DSCAM: variants seen among roughly 807,000 people sequenced by gnomAD.
The protein encoded by DSCAM is cell adhesion molecule DSCAM.
In DSCAM, 47 loss-of-function variants were observed where a neutral mutation model predicts 217.7. The observed-to-expected ratio is 0.22, with a 90% CI of 0.17 to 0.28. DSCAM has a LOEUF of 0.28. DSCAM is among the 10% of genes least tolerant of loss of function. The probability of loss-of-function intolerance (pLI) is 1.00; values close to 1 mark genes in which losing one functional copy is unlikely to be tolerated. For missense variants in DSCAM, 2,080 were observed against 2,618.3 expected, an observed-to-expected ratio of 0.79 and a Z score of 4.49; for synonymous variants, 1,056 against 1,015.3, an observed-to-expected ratio of 1.04 and a Z score of -0.76.
At chr21:40,775,221 G>A (rs1023783211) in intron 1 of DSCAM, among the ~76,000 whole-genome samples, 2 of 152,040 alleles carry the variant, frequency 1.3e-5, no homozygotes, top group African/African-American at 4.8e-5. Context: ...ATCATGTTAG[G>A]CAGATCTAGC....
chr21:40,703,306 A>G (rs1002297230), intron 2 of DSCAM, among the ~76,000 whole-genome samples: 1 of 152,150 alleles, frequency 6.6e-6, no homozygotes, highest in Admixed American at 6.5e-5. Flanking sequence ...TCTTGAGCCC[A>G]GGAGTTAGCG....
At chr21:40,818,020 C>T (rs568870690) in intron 1 of DSCAM, among the ~76,000 whole-genome samples, 77 of 142,402 alleles carry the variant, frequency 5.4e-4, no homozygotes, top group Non-Finnish European at 1.0e-3. Context: ...GGCGTGAACC[C>T]GGGAGGCGGA....
At chr21:40,727,473 G>GCAT (rs955082991) in intron 1 of DSCAM, among the ~76,000 whole-genome samples, 2 of 152,160 alleles carry the variant, frequency 1.3e-5, no homozygotes, top group African/African-American at 4.8e-5. Flanking sequence ...GAAGTAAAAA[G>GCAT]CATCATTCTT....
At chr21:40,579,341 T>A (rs1382347981) in intron 3 of DSCAM, among the ~76,000 whole-genome samples, 1 of 151,992 alleles carries the variant, frequency 6.6e-6, no homozygotes, top group South Asian at 2.1e-4. Flanking sequence ...GAAAAAAAGC[T>A]GATTTGATGA....
chr21:40,140,215 A>AGG (rs1394933897), intron 18 of DSCAM, among the ~76,000 whole-genome samples: 2 of 152,104 alleles, frequency 1.3e-5, no homozygotes, highest in East Asian at 3.9e-4. Flanking sequence ...ATGTTTCTGA[A>AGG]GGTTTCTTGC....
intron 20 of DSCAM, among the ~76,000 whole-genome samples, chr21:40,096,506 A>C (rs2089679342): frequency 6.6e-6 from 1 of 152,180 alleles, no homozygotes; most frequent in African/African-American, 2.4e-5. Flanking sequence ...AAAAGAGAAT[A>C]AAAAAGTTAA....
intron 11 of DSCAM, among the ~76,000 whole-genome samples, chr21:40,268,827 T>C (rs951315146): frequency 5.3e-5 from 8 of 152,042 alleles, no homozygotes; most frequent in African/African-American, 1.9e-4. Flanking sequence ...GATGGGCATC[T>C]ATAATAATCC....
intron 3 of DSCAM, among the ~76,000 whole-genome samples, chr21:40,512,791 A>G (rs1294810816): frequency 6.6e-6 from 1 of 151,838 alleles, no homozygotes; most frequent in Non-Finnish European, 1.5e-5. Context: ...CATTAACGGC[A>G]CAACTGCGTC....
In DSCAM at chr21:40,276,289, G is replaced by T. The variant is rs777486209; in HGVS notation, c.2183-19C>A. 5.1e-6 allele frequency: 8 copies of T among 1,572,644 alleles called. No homozygotes were observed. Among genetic ancestry groups the T allele is most frequent in the Non-Finnish European group, 6.0e-6 (7 of 1,161,096 alleles). Reference sequence around the variant, plus strand: ...CCAGCACCTGAGACAGAAAAAGAAAGACGAGCAATGATGCAAACGAGAGTA... The same window carrying T: ...CCAGCACCTGAGACAGAAAAAGAAATACGAGCAATGATGCAAACGAGAGTA... On this transcript the variant is annotated intron_variant, in intron 10 of 32. Coordinates refer to ENST00000400454, the MANE Select transcript of DSCAM (RefSeq NM_001389.5).
chr21:40,297,101 G>A (rs113183925), intron 9 of DSCAM, among the ~76,000 whole-genome samples: 4,573 of 152,194 alleles, frequency 0.03, 215 homozygotes, highest in African/African-American at 0.1. Context: ...AAGGGGGACT[G>A]TGGAGAGTAG....
chr21:40,395,921 C>T (rs1039773909), intron 3 of DSCAM, among the ~76,000 whole-genome samples: 2 of 152,122 alleles, frequency 1.3e-5, no homozygotes, highest in African/African-American at 2.4e-5. Context: ...CCCTCACAGC[C>T]CATCAGCCAT....
chr21:40,581,869 A>AAAAATTAAC (rs1395480863), intron 3 of DSCAM, among the ~76,000 whole-genome samples: 1 of 152,220 alleles, frequency 6.6e-6, no homozygotes, highest in Non-Finnish European at 1.5e-5. Context: ...TCCTTGTAAA[A>AAAAATTAAC]AAAATTAACA....
chr21:40,829,888 T>C (rs1221782986), intron 1 of DSCAM, among the ~76,000 whole-genome samples: 1 of 152,160 alleles, frequency 6.6e-6, no homozygotes, highest in East Asian at 1.9e-4. Flanking sequence ...AATGCTGGGA[T>C]GAAAACAAAC....
Position 40,189,113 on chromosome 21 carries a change from T to G in DSCAM, c.2482A>C (p.Ile828Leu). The change falls in exon 12 of 33, where the codon ATT becomes CTT. Residue 828 changes from isoleucine to leucine, a missense_variant. By Grantham distance (5) the Ile-to-Leu change is conservative. This residue lies in a region of DSCAM where 1,144 missense variants were observed against 1,421.1 expected (regional missense o/e 0.81). Coordinates refer to ENST00000400454, the MANE Select transcript of DSCAM (RefSeq NM_001389.5). The stretch of plus-strand genomic sequence containing the variant: ...AGATAACGGGCCATCTCAGGGTTAA[T>G]GATTCGGTCCTCCTTCTCCCAGCGG... ...IVRWEKEDRIINPEMARYLVS... is the reference protein window; with the variant it reads ...IVRWEKEDRILNPEMARYLVS... The G allele has an allele frequency of 3.1e-6, 5 of 1,614,190 alleles. No homozygotes were observed. The highest frequency in any genetic ancestry group is 4.2e-6 in the Non-Finnish European group (5 of 1,180,042).
At chr21:40,647,477 C>T (rs2089961645) in intron 3 of DSCAM, among the ~76,000 whole-genome samples, 1 of 151,424 alleles carries the variant, frequency 6.6e-6, no homozygotes, top group East Asian at 2.0e-4. Flanking sequence ...TAATTTTATG[C>T]CAGTTTTTAT....
intron 11 of DSCAM, among the ~76,000 whole-genome samples, chr21:40,246,764 C>G (rs897708773): frequency 6.6e-6 from 1 of 152,082 alleles, no homozygotes; most frequent in African/African-American, 2.4e-5. Context: ...TGAGGAGTCC[C>G]CAGGATGCAG....
chr21:40,492,269 A>T (rs540459828), intron 3 of DSCAM, among the ~76,000 whole-genome samples: 2 of 152,324 alleles, frequency 1.3e-5, no homozygotes, highest in African/African-American at 4.8e-5. Flanking sequence ...CTTGCTTTCT[A>T]TTTGAATATA....
chr21:40,028,530 G>C (rs1327835522), intron 32 of DSCAM, among the ~76,000 whole-genome samples: 17 of 152,010 alleles, frequency 1.1e-4, no homozygotes, highest in Admixed American at 1.1e-3. Flanking sequence ...CTCCAAGCCA[G>C]GTGCGGGATA....
intron 3 of DSCAM, among the ~76,000 whole-genome samples, chr21:40,576,939 T>G (rs933748087): frequency 2.6e-5 from 4 of 151,020 alleles, no homozygotes; most frequent in African/African-American, 9.7e-5. Flanking sequence ...GAGACGAGTA[T>G]ACATATGTAA....
Sources: gnomAD v4.1 joint callset for allele counts (sites outside exome capture counted in the v4.1 genomes callset) on GRCh38, gnomAD v4.1.1 for gene constraint, gnomAD v4.1.1 regional missense constraint, MANE v1.5 for transcripts, NCBI Gene and HGNC (gene_info 2026-07-23, HGNC 2026-07-21) for gene names.